NYAP2: variants seen among roughly 807,000 people sequenced by gnomAD.
NYAP2 encodes neuronal tyrosine-phosphorylated phosphoinositide-3-kinase adaptor 2.
NYAP2 carries 23 observed loss-of-function variants against 50.4 expected under a neutral mutation model. The observed-to-expected ratio is 0.46, with a 90% CI of 0.33 to 0.65. The LOEUF is 0.65. NYAP2 is among the 30% of genes least tolerant of loss of function. NYAP2 has a pLI of 0.02. For synonymous variants in NYAP2, 394 were observed against 365.2 expected (o/e 1.08, Z -0.90); for missense variants, 885 against 861.0 (o/e 1.03, Z -0.35).
chr2:225,509,927 G>C (rs911083522), intron 3 of NYAP2, among the ~76,000 whole-genome samples: 3 of 152,170 alleles, frequency 2.0e-5, no homozygotes, highest in Non-Finnish European at 4.4e-5. Flanking sequence ...AGGAGAATAA[G>C]TCCCCAGGCC....
At chr2:225,661,724 CTCTT>C in the NYAP2 span, among the ~76,000 whole-genome samples, 1 of 96,830 alleles carries the variant, frequency 1.0e-5, no homozygotes, top group Non-Finnish European at 2.6e-5. Context: ...AATTTGCTCT[CTCTT>C]TTTTTTTTTT....
chr2:225,401,773 T>C (rs1237228377), intron 2 of NYAP2, among the ~76,000 whole-genome samples: 1 of 151,998 alleles, frequency 6.6e-6, no homozygotes, highest in Non-Finnish European at 1.5e-5. Context: ...AACTATTACA[T>C]AAAATAATAT....
intron 5 of NYAP2, among the ~76,000 whole-genome samples, chr2:225,604,360 C>T (rs573651129): frequency 6.6e-6 from 1 of 152,220 alleles, no homozygotes; most frequent in East Asian, 1.9e-4. Flanking sequence ...CCCTATTCTA[C>T]ATCCTTAAAT....
chr2:225,433,816 CAAAAAAAAAA>C (rs35886164), intron 3 of NYAP2, among the ~76,000 whole-genome samples: 1 of 62,482 alleles, frequency 1.6e-5, no homozygotes, highest in African/African-American at 7.5e-5. Flanking sequence ...GACTCCGTCT[CAAAAAAAAAA>C]AAAAAAAAAA....
intron 6 of NYAP2, among the ~76,000 whole-genome samples, chr2:225,647,768 A>T (rs1442921317): frequency 6.6e-6 from 1 of 152,166 alleles, no homozygotes; most frequent in Non-Finnish European, 1.5e-5. Flanking sequence ...CTAAGTGATA[A>T]GGCAGTTCAG....
At chr2:225,419,520 C>G (rs1185677290) in intron 3 of NYAP2, among the ~76,000 whole-genome samples, 3 of 152,168 alleles carry the variant, frequency 2.0e-5, no homozygotes, top group African/African-American at 7.2e-5. Context: ...GTTTCTTTCA[C>G]TTGCTAGCTT....
At chr2:225,458,435 A>G (rs945059652) in intron 3 of NYAP2, among the ~76,000 whole-genome samples, 9 of 152,232 alleles carry the variant, frequency 5.9e-5, no homozygotes, top group Non-Finnish European at 1.0e-4. Context: ...TATTGAATCA[A>G]TGTTAGTATA....
chr2:225,548,886 A>AT (rs11346817), intron 4 of NYAP2, among the ~76,000 whole-genome samples: 6,746 of 146,644 alleles, frequency 0.046, 497 homozygotes, highest in African/African-American at 0.16. Context: ...GAATGCAGCA[A>AT]TTTTTTTTTT....
At chr2:225,636,823 T>C (rs1055379482) in intron 6 of NYAP2, among the ~76,000 whole-genome samples, 5 of 152,130 alleles carry the variant, frequency 3.3e-5, no homozygotes, top group South Asian at 2.1e-4. Context: ...TGAAGTACAA[T>C]AGAGGAGAAC....
intron 4 of NYAP2, among the ~76,000 whole-genome samples, chr2:225,522,994 A>G (rs1691093057): frequency 6.6e-6 from 1 of 152,270 alleles, no homozygotes; most frequent in African/African-American, 2.4e-5. Context: ...AATTTTAGAA[A>G]CAACCTGGAG....
intron 3 of NYAP2, among the ~76,000 whole-genome samples, chr2:225,511,991 A>G (rs1347540542): frequency 6.6e-6 from 1 of 152,192 alleles, no homozygotes; most frequent in Admixed American, 6.5e-5. Context: ...AAAATTTTGT[A>G]ATGGTATTTT....
At chr2:225,518,468 G>A (rs1288689308) in intron 4 of NYAP2, among the ~76,000 whole-genome samples, 1 of 140,530 alleles carries the variant, frequency 7.1e-6, no homozygotes, top group Non-Finnish European at 1.5e-5. Context: ...ATTGTATTGA[G>A]CATCCTTAAG....
intron 5 of NYAP2, among the ~76,000 whole-genome samples, chr2:225,586,065 C>T (rs1692385147): frequency 6.6e-6 from 1 of 152,128 alleles, no homozygotes; most frequent in Non-Finnish European, 1.5e-5. Flanking sequence ...TTTTCCAAGC[C>T]TCTGTTGGTT....
rs183604554 is a variant in NYAP2, at chr2:225,542,791, G to A, written c.523+29119G>A. The stretch of plus-strand genomic sequence containing the variant: ...AAGACTGGCCTCATTAAATGGTTTT[G>A]GGAGTATTCTTTTCTCCTTTATTTT... On this transcript the variant is annotated intron_variant, in intron 4 of 6. Coordinates refer to ENST00000636099, the Ensembl canonical transcript of NYAP2. Among the ~76,000 whole-genome samples the A allele has an allele frequency of 4.9e-4, 74 of 152,044 alleles. No homozygotes were observed. The East Asian group carries it at 0.012, about 24-fold the overall frequency.
In NYAP2 at chr2:225,437,734, A is replaced by C. The variant is rs80035788; in HGVS notation, c.221+28633A>C. On this transcript the variant is annotated intron_variant, in intron 3 of 6. Coordinates refer to ENST00000636099, the Ensembl canonical transcript of NYAP2. The stretch of plus-strand genomic sequence containing the variant: ...AAACATCTGATTTAATCATCCCTTC[A>C]GATGAGGAAGCTCAGGTTTAGAAAG... Among the ~76,000 whole-genome samples the C allele has an allele frequency of 5.4e-3, 819 of 152,342 alleles. 6 individuals carry two copies. The highest frequency in any genetic ancestry group is 0.018 in the African/African-American group (765 of 41,584).
chr2:225,646,520 C>T (rs546569361), intron 6 of NYAP2, among the ~76,000 whole-genome samples: 3 of 152,316 alleles, frequency 2.0e-5, no homozygotes, highest in East Asian at 3.9e-4. Flanking sequence ...CATTGCACTC[C>T]AGCCTGGGCA....
chr2:225,581,309 T>C (rs1425261488), intron 4 of NYAP2, among the ~76,000 whole-genome samples: 1 of 152,216 alleles, frequency 6.6e-6, no homozygotes, highest in Non-Finnish European at 1.5e-5. Flanking sequence ...AAATACACCA[T>C]AATCAACAAT....
chr2:225,563,679 GGAGA>G (rs1410441317), intron 4 of NYAP2, among the ~76,000 whole-genome samples: 1 of 151,986 alleles, frequency 6.6e-6, no homozygotes, highest in African/African-American at 2.4e-5. Flanking sequence ...GGAGAGAGAA[GGAGA>G]GAGAGACATA....
chr2:225,699,587 A>G, the NYAP2 span: 2 of 151,920 alleles, frequency 1.3e-5, no homozygotes, highest in Non-Finnish European at 2.9e-5. Context: ...AAAAGTTTAG[A>G]TCTATTAATA....
Sources: gnomAD v4.1 joint callset for allele counts (sites outside exome capture counted in the v4.1 genomes callset) on GRCh38, gnomAD v4.1.1 for gene constraint, MANE v1.5 for transcripts, NCBI Gene and HGNC (gene_info 2026-07-23, HGNC 2026-07-21) for gene names.